The following CCDC6 variants were observed in gnomAD, a reference collection of about 807,000 sequenced individuals.
CCDC6 encodes the protein coiled-coil domain containing 6, also known as coiled-coil domain-containing protein 6.
Under a neutral mutation model 56.6 loss-of-function variants are expected in CCDC6, and 20 were observed. The observed-to-expected ratio is 0.35, with a 90% confidence interval of 0.25 to 0.51. CCDC6 has a LOEUF of 0.51. Among genes scored for constraint, CCDC6 ranks in the 20% least tolerant of loss-of-function variants. CCDC6 has a pLI of 0.95. For synonymous variants in CCDC6, 241 were observed against 234.4 expected (o/e 1.03, Z -0.26); for missense variants, 367 against 601.1 (o/e 0.61, Z 4.07).
rs1369312887 is a variant in CCDC6, at chr10:59,872,792, G to A, written c.304-20090C>T. Among the ~76,000 whole-genome samples the A allele has an allele frequency of 2.8e-5, 4 of 140,608 alleles. No homozygotes were observed. In the East Asian group the frequency reaches 7.4e-4, roughly 26 times the overall value. The allele number at this position is 140,608 out of a possible 152,430, so 92.2% of individuals were successfully genotyped here. A position where few individuals can be genotyped will look rare whatever the true frequency, so the allele number is the denominator to read the frequency against. On this transcript the variant is annotated intron_variant, in intron 1 of 8. Coordinates refer to ENST00000263102, the MANE Select transcript of CCDC6 (RefSeq NM_005436.5). ...TAACTTTCCAGATGGGGGGGTGGGG[G>A]AAGGTAACAACATTAGAAAGTGCAT... is the stretch of plus-strand genomic sequence containing the variant.
chr10:59,795,551 C>T (rs79689797), intron 7 of CCDC6, among the ~76,000 whole-genome samples: 30,427 of 150,106 alleles, frequency 0.2, 3,646 homozygotes, highest in Middle Eastern at 0.27. Flanking sequence ...TATACATGTG[C>T]CATGCTGGTG....
intron 2 of CCDC6, among the ~76,000 whole-genome samples, chr10:59,850,198 A>G (rs1413810840): frequency 1.3e-5 from 2 of 152,188 alleles, no homozygotes; most frequent in African/African-American, 4.8e-5. Flanking sequence ...CGAGGGGAAG[A>G]GAATGGGCAT....
chr10:59,823,392 G>A (rs1019490235), intron 3 of CCDC6, among the ~76,000 whole-genome samples: 8 of 152,262 alleles, frequency 5.3e-5, no homozygotes, highest in Admixed American at 4.6e-4. Context: ...CACAGAGTTC[G>A]TTCCTGCCAG....
chr10:59,813,845 T>C (rs968139044), intron 4 of CCDC6, among the ~76,000 whole-genome samples: 2 of 152,212 alleles, frequency 1.3e-5, no homozygotes, highest in South Asian at 2.1e-4. Context: ...GTGGTATGCC[T>C]GTATTTTGCA....
chr10:59,882,652 G>A (rs144750381), intron 1 of CCDC6, among the ~76,000 whole-genome samples: 1 of 78,556 alleles, frequency 1.3e-5, no homozygotes, highest in African/African-American at 3.6e-5. Context: ...TGACATGGAA[G>A]TGGTAACCTT....
chr10:59,868,310 A>C (rs555421695), intron 1 of CCDC6, among the ~76,000 whole-genome samples: 2 of 152,218 alleles, frequency 1.3e-5, no homozygotes, highest in African/African-American at 2.4e-5. Flanking sequence ...AATTCTATAC[A>C]AACTGCATGC....
Position 59,793,004 on chromosome 10 carries a change from C to T in CCDC6, c.1338G>A (p.Pro446=), listed in dbSNP as rs7899254. ...TPVQPPPPPP[P]PPMQPTVPSA... is the part of the protein sequence containing the mutation. Reference sequence around the variant, plus strand: ...AGGGGACCGTGGGCTGCATGGGTGGCGGAGGTGGAGGCGGAGGTGGCTGGA... The same window carrying T: ...AGGGGACCGTGGGCTGCATGGGTGGTGGAGGTGGAGGCGGAGGTGGCTGGA... Residue 446 remains proline (P), a synonymous_variant, in exon 9 of 9, where the codon CCG becomes CCA. Transcript: ENST00000263102. 16,945 of 1,612,870 alleles carry T rather than the reference C, an allele frequency of 0.011. 1,229 individuals are homozygous for T. In the African/African-American group the frequency reaches 0.17, roughly 16 times the overall value.
At position 59,882,993 on chromosome 10, in the gene CCDC6, G is replaced by A. The variant is rs115590327; in HGVS notation, c.303+23129C>T. Reference sequence around the variant, plus strand: ...AAATTAGTAAAATTAGGTGAGGGGTGTAAGGGTGTTTACCGTATTGATCGA... The same window carrying A: ...AAATTAGTAAAATTAGGTGAGGGGTATAAGGGTGTTTACCGTATTGATCGA... On this transcript the variant is annotated intron_variant, in intron 1 of 8. Coordinates refer to ENST00000263102, the MANE Select transcript of CCDC6 (RefSeq NM_005436.5). Among the ~76,000 whole-genome samples, 514 of 151,768 alleles carry A rather than the reference G, an allele frequency of 3.4e-3. 4 individuals carry two copies. Among genetic ancestry groups the A allele is most frequent in the African/African-American group, 0.012 (494 of 41,292 alleles).
chr10:59,878,747 C>T (rs945832524), intron 1 of CCDC6, among the ~76,000 whole-genome samples: 14 of 152,180 alleles, frequency 9.2e-5, no homozygotes, highest in African/African-American at 3.4e-4. Context: ...TCTACTCACA[C>T]CCTGCCTTAA....
At chr10:59,871,147 T>C (rs1170795382) in intron 1 of CCDC6, among the ~76,000 whole-genome samples, 4 of 152,208 alleles carry the variant, frequency 2.6e-5, no homozygotes. Flanking sequence ...TCATGTATTA[T>C]ACATGAGGAG....
chr10:59,811,780 C>G (rs2070674671), intron 5 of CCDC6, among the ~76,000 whole-genome samples: 1 of 151,974 alleles, frequency 6.6e-6, no homozygotes, highest in African/African-American at 2.4e-5. Flanking sequence ...TTCCATCCAT[C>G]TTTGGTTGTG....
At chr10:59,814,108 T>G (rs771401369) in intron 4 of CCDC6, among the ~76,000 whole-genome samples, 1 of 152,222 alleles carries the variant, frequency 6.6e-6, no homozygotes, top group Non-Finnish European at 1.5e-5. Flanking sequence ...CAAAGAGGTT[T>G]AAGAAATGTT....
At position 59,878,295 on chromosome 10, in the gene CCDC6, C is replaced by T. The variant is rs545996443; in HGVS notation, c.304-25593G>A. Among the ~76,000 whole-genome samples, 276 of 152,334 alleles carry T rather than the reference C, an allele frequency of 1.8e-3. 2 individuals carry two copies. Among genetic ancestry groups the T allele is most frequent in the African/African-American group, 6.4e-3 (265 of 41,584 alleles). ...ACAAATATGCACAAGAAGCCCTACA[C>T]TTGACAGCAAAATGTCTGCATTTCC... On this transcript the variant is annotated intron_variant, in intron 1 of 8. Coordinates refer to ENST00000263102, the MANE Select transcript of CCDC6 (RefSeq NM_005436.5).
chr10:59,829,987 T>C (rs1340288862), intron 3 of CCDC6, among the ~76,000 whole-genome samples: 1 of 152,208 alleles, frequency 6.6e-6, no homozygotes, highest in Non-Finnish European at 1.5e-5. Flanking sequence ...AACTGGTTGC[T>C]TTGAAGTCAG....
At chr10:59,856,463 T>A (rs139678542) in intron 1 of CCDC6, among the ~76,000 whole-genome samples, 2,149 of 152,314 alleles carry the variant, frequency 0.014, 24 homozygotes, top group Non-Finnish European at 0.022. Context: ...GACTTCTCCC[T>A]GCAGATTTCT....
At chr10:59,868,038 T>C (rs2071191982) in intron 1 of CCDC6, among the ~76,000 whole-genome samples, 1 of 152,240 alleles carries the variant, frequency 6.6e-6, no homozygotes, top group Non-Finnish European at 1.5e-5. Context: ...CAGGACCTCC[T>C]GAAGCTTTGT....
intron 3 of CCDC6, among the ~76,000 whole-genome samples, chr10:59,820,854 G>GTT (rs1564741741): frequency 1.3e-5 from 2 of 149,178 alleles, no homozygotes; most frequent in Non-Finnish European, 1.5e-5. Context: ...AAGTTGGCTA[G>GTT]ATTTTTTTTT....
intron 1 of CCDC6, among the ~76,000 whole-genome samples, chr10:59,867,200 G>C (rs2071184951): frequency 6.6e-6 from 1 of 152,112 alleles, no homozygotes; most frequent in Non-Finnish European, 1.5e-5. Flanking sequence ...CCAACCTGGA[G>C]GTTCACATCT....
chr10:59,847,817 CTT>C (rs757902015), intron 2 of CCDC6, among the ~76,000 whole-genome samples: 22 of 104,834 alleles, frequency 2.1e-4, no homozygotes, highest in South Asian at 3.4e-4. Flanking sequence ...GCCTTTTAGA[CTT>C]TTTTTTTTTT....
Sources: gnomAD v4.1 joint callset for allele counts (sites outside exome capture counted in the v4.1 genomes callset) on GRCh38, gnomAD v4.1.1 for gene constraint, MANE v1.5 for transcripts, NCBI Gene and HGNC (gene_info 2026-07-23, HGNC 2026-07-21) for gene names.